Variants in SEL1L2 observed in about 807,000 individuals in gnomAD.
SEL1L2 encodes the protein protein sel-1 homolog 2.
Under a neutral mutation model 98.8 loss-of-function variants are expected in SEL1L2, and 89 were observed. The observed-to-expected ratio is 0.90, with a 90% confidence interval of 0.76 to 1.07. SEL1L2 has a LOEUF of 1.07. SEL1L2 is among the 50% of genes least tolerant of loss of function. The pLI, the probability that SEL1L2 is intolerant of heterozygous loss-of-function variation, is 0.00. For synonymous variants in SEL1L2, 262 were observed against 278.5 expected (o/e 0.94, Z 0.59); for missense variants, 788 against 812.0 (o/e 0.97, Z 0.36).
chr20:13,921,289 C>A (rs1334802298), intron 3 of SEL1L2, among the ~76,000 whole-genome samples: 1 of 152,218 alleles, frequency 6.6e-6, no homozygotes, highest in East Asian at 1.9e-4. Flanking sequence ...TCTCATGCCT[C>A]AGCCTCCGAG....
chr20:13,973,721 T>G (rs2051392703), intron 1 of SEL1L2, among the ~76,000 whole-genome samples: 1 of 152,188 alleles, frequency 6.6e-6, no homozygotes, highest in Non-Finnish European at 1.5e-5. Context: ...CTTTGAGGCC[T>G]ATGATGAAGT....
intron 1 of SEL1L2, among the ~76,000 whole-genome samples, chr20:13,967,706 A>G (rs1208323532): frequency 6.6e-6 from 1 of 152,166 alleles, no homozygotes; most frequent in East Asian, 1.9e-4. Context: ...TGAAGGACAC[A>G]GCTTTTCTCT....
intron 1 of SEL1L2, among the ~76,000 whole-genome samples, chr20:13,966,572 G>A (rs751194618): frequency 4.6e-5 from 7 of 152,022 alleles, no homozygotes; most frequent in Non-Finnish European, 7.4e-5. Flanking sequence ...CACCCACCCC[G>A]GCCTCCCAAA....
intron 3 of SEL1L2, among the ~76,000 whole-genome samples, chr20:13,930,743 C>A (rs574274903): frequency 6.6e-6 from 1 of 152,266 alleles, no homozygotes; most frequent in Non-Finnish European, 1.5e-5. Context: ...ATGAGTTCAT[C>A]CAGCCCCAAA....
intron 6 of SEL1L2, 58 bp from the exon 7 acceptor site, chr20:13,888,059 GAAACTC>G (rs1233241572): frequency 2.1e-6 from 3 of 1,444,944 alleles, no homozygotes; most frequent in East Asian, 2.3e-5. Context: ...ATTTAAATTT[GAAACTC>G]AAACCAAGTA....
chr20:13,931,976 T>G (rs1379548432), intron 2 of SEL1L2, among the ~76,000 whole-genome samples: 2 of 152,232 alleles, frequency 1.3e-5, no homozygotes, highest in African/African-American at 4.8e-5. Flanking sequence ...ACCTTTTAAA[T>G]CTATTATATT....
intron 3 of SEL1L2, among the ~76,000 whole-genome samples, chr20:13,922,316 T>C (rs1371454794): frequency 6.6e-6 from 1 of 152,244 alleles, no homozygotes. Context: ...TAAACCTGAT[T>C]ATTGTAAATA....
intron 3 of SEL1L2, among the ~76,000 whole-genome samples, chr20:13,921,938 T>G (rs1423530146): frequency 1.3e-5 from 2 of 152,058 alleles, no homozygotes; most frequent in African/African-American, 4.8e-5. Context: ...AAATGGGAAT[T>G]ATAATAGCCC....
At chr20:13,903,405 G>A (rs566341501) in intron 5 of SEL1L2, among the ~76,000 whole-genome samples, 3 of 152,240 alleles carry the variant, frequency 2.0e-5, no homozygotes, top group East Asian at 3.9e-4. Context: ...GGTGTTTCTA[G>A]TATTTGCAAG....
rs117191827 is a variant in SEL1L2, at chr20:13,923,679, G to A, written c.284-4556C>T. 8.4e-3 allele frequency among the ~76,000 whole-genome samples: 1,284 copies of A among 152,256 alleles called. 12 individuals are homozygous for A. Among genetic ancestry groups the A allele is most frequent in the Non-Finnish European group, 0.014 (928 of 68,014 alleles). On this transcript the variant is annotated intron_variant, in intron 3 of 19. Coordinates refer to ENST00000284951, the MANE Select transcript of SEL1L2 (RefSeq NM_025229.2). The stretch of plus-strand genomic sequence containing the variant: ...TGAGGCACAAGAATTGCTTGAACCC[G>A]GCAGGTGGAGTTTGCAGTGGGCCGA...
intron 2 of SEL1L2, among the ~76,000 whole-genome samples, chr20:13,939,075 G>A (rs1335840426): frequency 1.7e-4 from 14 of 81,656 alleles, no homozygotes; most frequent in African/African-American, 6.2e-4. Flanking sequence ...ATGGAGTCTC[G>A]CCCTGTCACC....
At chr20:13,916,285 A>G (rs565893654) in intron 4 of SEL1L2, among the ~76,000 whole-genome samples, 1 of 152,304 alleles carries the variant, frequency 6.6e-6, no homozygotes, top group African/African-American at 2.4e-5. Flanking sequence ...AGAGGGTAGG[A>G]TAGAGGAATG....
intron 3 of SEL1L2, among the ~76,000 whole-genome samples, chr20:13,930,377 T>C (rs1184442372): frequency 1.3e-5 from 2 of 152,240 alleles, no homozygotes; most frequent in African/African-American, 2.4e-5. Context: ...ACTACTGCCC[T>C]GTGGCACTTC....
At chr20:13,867,398 T>C (rs752825510) in intron 14 of SEL1L2, among the ~76,000 whole-genome samples, 2 of 152,220 alleles carry the variant, frequency 1.3e-5, no homozygotes, top group Non-Finnish European at 2.9e-5. Context: ...CCTGGCTCTC[T>C]CATTAGTTCT....
At chr20:13,994,905 T>C (rs1206610080), upstream of SEL1L2, 2 of 152,228 alleles carry the variant, frequency 1.3e-5, no homozygotes, top group Non-Finnish European at 2.9e-5. Flanking sequence ...CCAATGAAAT[T>C]TGTAATTTTC....
chr20:13,937,921 T>C (rs1240605694), intron 2 of SEL1L2, among the ~76,000 whole-genome samples: 2 of 152,188 alleles, frequency 1.3e-5, no homozygotes, highest in African/African-American at 4.8e-5. Flanking sequence ...TTGCTACACA[T>C]TTGATTGTAA....
chr20:13,987,109 G>A (rs2052233903), intron 1 of SEL1L2, among the ~76,000 whole-genome samples: 1 of 152,006 alleles, frequency 6.6e-6, no homozygotes, highest in Non-Finnish European at 1.5e-5. Context: ...GGGATTACAG[G>A]CGTGAGCCAC....
chr20:13,972,801 T>C (rs980996930), intron 1 of SEL1L2, among the ~76,000 whole-genome samples: 8 of 152,322 alleles, frequency 5.3e-5, no homozygotes, highest in African/African-American at 1.2e-4. Context: ...TGTTTTTCTC[T>C]TTAGAAGCTT....
chr20:13,993,370 G>T (rs558587993), upstream of SEL1L2, among the ~76,000 whole-genome samples: 15 of 152,302 alleles, frequency 9.8e-5, no homozygotes, highest in South Asian at 3.1e-3. Context: ...AAGAGATGGG[G>T]AAAACTGGGA....
Sources: allele counts gnomAD v4.1 joint callset (sites outside exome capture counted in the v4.1 genomes callset), GRCh38; gene constraint gnomAD v4.1.1; transcripts MANE v1.5; gene names NCBI Gene and HGNC (gene_info 2026-07-23, HGNC 2026-07-21).